Variants in CNTN5 observed in about 807,000 individuals in gnomAD.
The protein encoded by CNTN5 is contactin-5.
Under a neutral mutation model 129.1 loss-of-function variants are expected in CNTN5, and 77 were observed. That is an observed-to-expected ratio of 0.60 (90% confidence interval 0.50 to 0.72). The LOEUF (loss-of-function observed/expected upper bound fraction) is 0.72. Ranked by LOEUF, CNTN5 falls within the 30% of genes least tolerant of loss-of-function variation. The pLI, the probability that CNTN5 is intolerant of heterozygous loss-of-function variation, is 0.00. For synonymous variants in CNTN5, 509 were observed against 465.6 expected, an observed-to-expected ratio of 1.09 and a Z score of -1.20; for missense variants, 1,478 against 1,328.8, an observed-to-expected ratio of 1.11 and a Z score of -1.75.
intron 4 of CNTN5, among the ~76,000 whole-genome samples, chr11:99,822,049 T>C (rs1946817937): frequency 6.6e-6 from 1 of 152,184 alleles, no homozygotes; most frequent in Non-Finnish European, 1.5e-5. Flanking sequence ...ATGGCTTTTG[T>C]CAGGTAATTC....
chr11:100,161,011 C>T (rs142201816), intron 13 of CNTN5, among the ~76,000 whole-genome samples: 3 of 152,024 alleles, frequency 2.0e-5, no homozygotes, highest in East Asian at 3.9e-4. Context: ...GAATATCTTC[C>T]ATGTATATGT....
intron 1 of CNTN5, among the ~76,000 whole-genome samples, chr11:99,292,433 T>C (rs1440864584): frequency 4.6e-5 from 7 of 151,908 alleles, no homozygotes; most frequent in Admixed American, 4.6e-4. Flanking sequence ...AAAGGACGAT[T>C]TGCTGTTTTC....
intron 1 of CNTN5, among the ~76,000 whole-genome samples, chr11:99,070,824 T>C (rs1865312201): frequency 6.6e-6 from 1 of 151,844 alleles, no homozygotes; most frequent in Admixed American, 6.6e-5. Context: ...CTAGAGAACA[T>C]CAAAAAGAAG....
At chr11:99,861,199 C>T (rs182697722) in intron 6 of CNTN5, among the ~76,000 whole-genome samples, 103 of 152,102 alleles carry the variant, frequency 6.8e-4, no homozygotes, top group Non-Finnish European at 1.4e-3. Flanking sequence ...CCTCGTGATC[C>T]GCCAGCCTCA....
chr11:100,283,370 T>C (rs910215507), intron 18 of CNTN5, among the ~76,000 whole-genome samples: 1 of 152,144 alleles, frequency 6.6e-6, no homozygotes, highest in Non-Finnish European at 1.5e-5. Flanking sequence ...CTCTTATGGA[T>C]CTGCAAGCTG....
chr11:100,335,622 G>C (rs1952020761), intron 21 of CNTN5, among the ~76,000 whole-genome samples: 1 of 152,022 alleles, frequency 6.6e-6, no homozygotes, highest in African/African-American at 2.4e-5. Flanking sequence ...ACAAAAATTA[G>C]CCAGGCGTGG....
At chr11:100,267,821 A>G (rs1020663280) in intron 17 of CNTN5, among the ~76,000 whole-genome samples, 4 of 152,158 alleles carry the variant, frequency 2.6e-5, no homozygotes, top group African/African-American at 9.7e-5. Flanking sequence ...GCTATGTGAA[A>G]AAATAGACTT....
intron 3 of CNTN5, among the ~76,000 whole-genome samples, chr11:99,791,845 G>C (rs1417366520): frequency 6.6e-6 from 1 of 152,038 alleles, no homozygotes; most frequent in African/African-American, 2.4e-5. Context: ...GTATTCCTAG[G>C]TATTTTATTC....
At chr11:99,446,198 T>G (rs943108069) in intron 2 of CNTN5, among the ~76,000 whole-genome samples, 4 of 152,080 alleles carry the variant, frequency 2.6e-5, no homozygotes, top group African/African-American at 9.7e-5. Context: ...CTCAGATTGC[T>G]CTTATACAGT....
chr11:99,569,140 A>G (rs1949097597), intron 3 of CNTN5, among the ~76,000 whole-genome samples: 1 of 152,050 alleles, frequency 6.6e-6, no homozygotes, highest in African/African-American at 2.4e-5. Context: ...GCATTTGAAT[A>G]TTTTGCAATT....
At position 100,204,336 on chromosome 11, in the gene CNTN5, ATATATAT is replaced by A. The variant is rs1565340613; in HGVS notation, c.1884+10674_1884+10680del. 6.3e-4 allele frequency among the ~76,000 whole-genome samples: 71 copies of A among 113,444 alleles called. 1 individual carries two copies. Among genetic ancestry groups the A allele is most frequent in the African/African-American group, 2.3e-3 (67 of 29,190 alleles). 74.4% of individuals were successfully genotyped at this position (113,444 alleles called of 152,430 possible). A position where few individuals can be genotyped will look rare whatever the true frequency, so the allele number is the denominator to read the frequency against. ...TATATATATATATATATATATATATATATATATAATTATAGGCAGACAGATAGATATA... is the reference window on the plus strand; with the variant it reads ...TATATATATATATATATATATATATAAATTATAGGCAGACAGATAGATATA... On this transcript the variant is annotated intron_variant, in intron 15 of 24. Coordinates refer to ENST00000524871, the MANE Select transcript of CNTN5 (RefSeq NM_014361.4).
intron 8 of CNTN5, among the ~76,000 whole-genome samples, chr11:99,965,708 A>G (rs563410037): frequency 3.3e-4 from 50 of 151,992 alleles, no homozygotes; most frequent in African/African-American, 1.0e-3. Flanking sequence ...CAATTCCTGG[A>G]TATCCTTGTT....
chr11:100,283,589 T>C (rs1486158100), intron 18 of CNTN5, among the ~76,000 whole-genome samples: 3 of 152,182 alleles, frequency 2.0e-5, no homozygotes, highest in Non-Finnish European at 1.5e-5. Context: ...GTGGTGAGGC[T>C]TTCAGGAATT....
chr11:99,461,225 G>A (rs188148361), intron 2 of CNTN5, among the ~76,000 whole-genome samples: 3 of 152,138 alleles, frequency 2.0e-5, no homozygotes, highest in Non-Finnish European at 2.9e-5. Flanking sequence ...GGTATAAGTA[G>A]GTAGAAACAG....
intron 1 of CNTN5, among the ~76,000 whole-genome samples, chr11:99,136,651 TCTC>T (rs1859237706): frequency 6.6e-6 from 1 of 152,044 alleles, no homozygotes; most frequent in Admixed American, 6.6e-5. Flanking sequence ...TGTACACACA[TCTC>T]CTTCTCCTGA....
rs528360478 is a variant in CNTN5, at chr11:100,288,074, T to C, written c.2315-9551T>C. 8.5e-4 allele frequency among the ~76,000 whole-genome samples: 129 copies of C among 152,210 alleles called. 1 individual carries two copies. Among genetic ancestry groups the C allele is most frequent in the African/African-American group, 2.9e-3 (120 of 41,518 alleles). On this transcript the variant is annotated intron_variant, in intron 18 of 24. Coordinates refer to ENST00000524871, the MANE Select transcript of CNTN5 (RefSeq NM_014361.4). Reference sequence around the variant, plus strand: ...AAGAGCTAACTATCCTAAATATATATGCACCCAATACAGGAGCACCCAGAT... The same window carrying C: ...AAGAGCTAACTATCCTAAATATATACGCACCCAATACAGGAGCACCCAGAT...
chr11:99,466,666 A>C lies in CNTN5; in HGVS notation c.-70-89479A>C, dbSNP rs370761472. Among the ~76,000 whole-genome samples, 34 of 152,172 alleles carry C rather than the reference A, an allele frequency of 2.2e-4. No homozygotes were observed. The East Asian group carries it at 3.9e-3, about 17-fold the overall frequency. On this transcript the variant is annotated intron_variant, in intron 2 of 24. Coordinates refer to ENST00000524871, the MANE Select transcript of CNTN5 (RefSeq NM_014361.4). ...TGAAATATTAGACTGCTGTAGTCTA[A>C]CTCAAGAGGGGATTAGGGGACTTTA... is the stretch of plus-strand genomic sequence containing the variant.
At chr11:100,337,147 G>T (rs1404707911) in intron 21 of CNTN5, 1 of 1,421,278 alleles carries the variant, frequency 7.0e-7, no homozygotes, top group East Asian at 2.3e-5. Flanking sequence ...TGACATGACA[G>T]CTGCACCCAT....
At chr11:99,844,668 T>C in intron 4 of CNTN5, 184 bp from the exon 5 acceptor site, 1 of 593,314 alleles carries the variant, frequency 1.7e-6, no homozygotes, top group Non-Finnish European at 2.9e-6. Flanking sequence ...TTAAAAATTA[T>C]ATTTGGTTCT....
Sources: allele counts gnomAD v4.1 joint callset (sites outside exome capture counted in the v4.1 genomes callset), GRCh38; gene constraint gnomAD v4.1.1; transcripts MANE v1.5; gene names NCBI Gene and HGNC (gene_info 2026-07-23, HGNC 2026-07-21).